The following ARHGAP44 variants were observed in gnomAD, a reference collection of about 807,000 sequenced individuals.
ARHGAP44 encodes the protein Rho GTPase activating protein 44.
ARHGAP44 carries 43 observed loss-of-function variants against 106.8 expected under a neutral mutation model. That is an observed-to-expected ratio of 0.40 (90% confidence interval 0.32 to 0.52). The LOEUF (loss-of-function observed/expected upper bound fraction) is 0.52. ARHGAP44 is among the 20% of genes least tolerant of loss of function. ARHGAP44 has a pLI of 0.48. For missense variants in ARHGAP44, 866 were observed against 1,050.5 expected (o/e 0.82, Z 2.43); for synonymous variants, 439 against 410.3 (o/e 1.07, Z -0.85).
At chr17:12,973,715 T>G (rs2039587740) in intron 17 of ARHGAP44, 1 of 472,838 alleles carries the variant, frequency 2.1e-6, no homozygotes, top group East Asian at 3.9e-5. Flanking sequence ...GCCCCCCCAG[T>G]TAGGCCACAC....
intron 7 of ARHGAP44, among the ~76,000 whole-genome samples, chr17:12,932,680 A>G (rs113982097): frequency 6.6e-6 from 1 of 151,192 alleles, no homozygotes; most frequent in Non-Finnish European, 1.5e-5. Flanking sequence ...TTATTTTTGT[A>G]TATGATGTGA....
intron 16 of ARHGAP44, among the ~76,000 whole-genome samples, chr17:12,966,743 A>G (rs1250368950): frequency 1.3e-5 from 2 of 152,196 alleles, no homozygotes; most frequent in Non-Finnish European, 2.9e-5. Flanking sequence ...TGCCAAATGT[A>G]ACTGATCTCT....
intron 20 of ARHGAP44, 95 bp from the exon 21 acceptor site, chr17:12,989,937 C>T (rs2040077561): frequency 6.6e-7 from 1 of 1,519,968 alleles, no homozygotes. Flanking sequence ...ATAGCAGCAC[C>T]CCTGCCTCCT....
chr17:12,967,596 A>G (rs746375094), intron 16 of ARHGAP44, among the ~76,000 whole-genome samples: 3 of 151,864 alleles, frequency 2.0e-5, no homozygotes, highest in Non-Finnish European at 4.4e-5. Flanking sequence ...GGAATGACCC[A>G]TTTTCTAAGT....
Position 12,949,747 on chromosome 17 carries a change from T to A in ARHGAP44, c.1055+17T>A. 1.9e-6 allele frequency: 3 copies of A among 1,606,464 alleles called. No individual in the cohort carries two copies. The highest frequency in any genetic ancestry group is 1.7e-5 in the Admixed American group (1 of 59,904). On this transcript the variant is annotated intron_variant, in intron 12 of 20. Coordinates refer to ENST00000379672, the MANE Select transcript of ARHGAP44 (RefSeq NM_014859.6). The surrounding 1 kb of genome is among the most constrained non-coding windows in gnomAD (Gnocchi z 4.1). ...GGCTTCCAAGTGAGTACCCCTTGTT[T>A]TGGAATGTCCTGTGAGTTACAGTTT...
chr17:12,856,322 A>G (rs1375965148), intron 1 of ARHGAP44, among the ~76,000 whole-genome samples: 2 of 152,114 alleles, frequency 1.3e-5, no homozygotes, highest in African/African-American at 4.8e-5. Flanking sequence ...GAGAGTTGTC[A>G]CATTGTCTCT....
chr17:12,902,529 C>T (rs1416568220), intron 3 of ARHGAP44, among the ~76,000 whole-genome samples: 4 of 152,150 alleles, frequency 2.6e-5, no homozygotes, highest in Admixed American at 1.3e-4. Context: ...CCATAAGCTC[C>T]GTTCTCCGTG....
At chr17:12,819,947 T>G (rs944150391) in intron 1 of ARHGAP44, among the ~76,000 whole-genome samples, 5 of 152,124 alleles carry the variant, frequency 3.3e-5, no homozygotes, top group African/African-American at 1.2e-4. Context: ...CTTTTATGGT[T>G]AATAGTTTTT....
intron 18 of ARHGAP44, among the ~76,000 whole-genome samples, chr17:12,978,082 G>A (rs928934440): frequency 1.5e-5 from 2 of 135,852 alleles, no homozygotes; most frequent in Non-Finnish European, 3.1e-5. Context: ...GGGAACAGAA[G>A]GAAGAGCTCA....
intron 1 of ARHGAP44, among the ~76,000 whole-genome samples, chr17:12,794,185 T>C (rs1030018342): frequency 6.6e-6 from 1 of 152,180 alleles, no homozygotes; most frequent in Non-Finnish European, 1.5e-5. Context: ...AAGTGACATT[T>C]GCTTGATGTT....
intron 1 of ARHGAP44, among the ~76,000 whole-genome samples, chr17:12,877,682 G>A (rs150839048): frequency 0.017 from 2,634 of 151,962 alleles, 39 homozygotes; most frequent in African/African-American, 0.031. Context: ...CCCGGGAGGC[G>A]GAGCTTGCCG....
At chr17:12,835,595 C>T (rs575387579) in intron 1 of ARHGAP44, among the ~76,000 whole-genome samples, 14 of 143,546 alleles carry the variant, frequency 9.8e-5, no homozygotes, top group African/African-American at 2.3e-4. Context: ...ACCGTGGTTA[C>T]GTGGCATGGT....
intron 1 of ARHGAP44, among the ~76,000 whole-genome samples, chr17:12,884,097 G>A (rs1028126640): frequency 1.3e-5 from 2 of 151,892 alleles, no homozygotes; most frequent in African/African-American, 4.8e-5. Context: ...TTTGAAATAG[G>A]CTGGTATATG....
chr17:12,885,448 G>A (rs978360321), intron 1 of ARHGAP44, among the ~76,000 whole-genome samples: 2 of 150,850 alleles, frequency 1.3e-5, no homozygotes, highest in African/African-American at 4.9e-5. Flanking sequence ...TTTCTACATC[G>A]GCTGTACCAT....
At chr17:12,945,404 A>G (rs1034220093) in intron 10 of ARHGAP44, among the ~76,000 whole-genome samples, 17 of 152,182 alleles carry the variant, frequency 1.1e-4, no homozygotes, top group African/African-American at 3.9e-4. Context: ...CTATTTTAAT[A>G]TCTTTACTCC....
chr17:12,952,563 C>A lies in ARHGAP44; in HGVS notation c.1118C>A (p.Ala373Asp). ...AATGCTTGTGAAAAGTTGCCCAAGG[C>A]CAATCACAACAACATCCGGTAAGTG... ...LWNACEKLPK[A>D]NHNNIRYLIK... The change falls in exon 13 of 21, where the codon GCC becomes GAC. Residue 373 changes from alanine (A) to aspartate (D), a missense_variant. By Grantham distance (126) the Ala-to-Asp change is moderately radical (BLOSUM62 -2). This residue lies in a region of ARHGAP44 where 448 missense variants were observed against 646.9 expected (regional missense o/e 0.69). Coordinates refer to ENST00000379672, the MANE Select transcript of ARHGAP44 (RefSeq NM_014859.6). The A allele has an allele frequency of 1.9e-6, 3 of 1,573,778 alleles. No individual in the cohort carries two copies. Among genetic ancestry groups the A allele is most frequent in the Non-Finnish European group, 1.7e-6 (2 of 1,159,052 alleles).
intron 1 of ARHGAP44, among the ~76,000 whole-genome samples, chr17:12,885,324 G>GGTGTGTGTGTGT (rs146415425): frequency 1.3e-5 from 2 of 148,710 alleles, no homozygotes; most frequent in African/African-American, 4.9e-5. Flanking sequence ...TCACAGAGTA[G>GGTGTGTGTGTGT]GTGTGTGTGT....
chr17:12,855,350 T>G (rs373857892), intron 1 of ARHGAP44, among the ~76,000 whole-genome samples: 1 of 152,192 alleles, frequency 6.6e-6, no homozygotes, highest in East Asian at 1.9e-4. Flanking sequence ...CAGTCTATTG[T>G]TTGTCATTTA....
At chr17:12,817,895 A>G (rs2034642653) in intron 1 of ARHGAP44, among the ~76,000 whole-genome samples, 1 of 151,996 alleles carries the variant, frequency 6.6e-6, no homozygotes, top group Non-Finnish European at 1.5e-5. Flanking sequence ...TTTGAAAACA[A>G]AACTCTGGGA....
Sources: allele counts gnomAD v4.1 joint callset (sites outside exome capture counted in the v4.1 genomes callset), GRCh38; gene constraint gnomAD v4.1.1; regional missense constraint gnomAD v4.1.1; non-coding constraint Gnocchi (gnomAD v3.1); transcripts MANE v1.5; gene names NCBI Gene and HGNC (gene_info 2026-07-23, HGNC 2026-07-21).